ZFHX3: variants seen among roughly 807,000 people sequenced by gnomAD.
The protein encoded by ZFHX3 is zinc finger homeobox protein 3.
Under a neutral mutation model 279.1 loss-of-function variants are expected in ZFHX3, and 42 were observed. The observed-to-expected ratio is 0.15, with a 90% CI of 0.12 to 0.19. The LOEUF is 0.19. ZFHX3 is among the 10% of genes least tolerant of loss of function. The pLI, the probability that ZFHX3 is intolerant of heterozygous loss-of-function variation, is 1.00. For missense variants in ZFHX3, 4,981 were observed against 4,754.0 expected (o/e 1.05, Z -1.40); for synonymous variants, 2,293 against 1,957.8 (o/e 1.17, Z -4.52).
intron 5 of ZFHX3, among the ~76,000 whole-genome samples, chr16:73,159,264 G>A (rs1475288007): frequency 6.6e-6 from 1 of 152,190 alleles, no homozygotes; most frequent in African/African-American, 2.4e-5. Flanking sequence ...TTAGAAGAAC[G>A]TGATATATTA....
intron 3 of ZFHX3, among the ~76,000 whole-genome samples, chr16:73,363,901 G>A (rs1404852093): frequency 1.3e-5 from 2 of 152,058 alleles, no homozygotes; most frequent in Non-Finnish European, 2.9e-5. Context: ...TTCTGGGCAC[G>A]GCAGCTCATG....
At chr16:73,464,135 T>G (rs1433590280) in intron 2 of ZFHX3, among the ~76,000 whole-genome samples, 1 of 152,032 alleles carries the variant, frequency 6.6e-6, no homozygotes, top group Non-Finnish European at 1.5e-5. Flanking sequence ...CTGGGAATTA[T>G]TACTAATTTG....
At chr16:72,827,836 T>A (rs1482710028) in intron 5 of ZFHX3, among the ~76,000 whole-genome samples, 1 of 152,228 alleles carries the variant, frequency 6.6e-6, no homozygotes, top group Non-Finnish European at 1.5e-5. Context: ...AGGGGAATGC[T>A]AAGCACAGTG....
At chr16:73,231,805 G>A (rs535741864) in intron 5 of ZFHX3, among the ~76,000 whole-genome samples, 1 of 152,164 alleles carries the variant, frequency 6.6e-6, no homozygotes, top group East Asian at 1.9e-4. Flanking sequence ...CCACTTCTTT[G>A]CATATTTCTT....
intron 1 of ZFHX3, among the ~76,000 whole-genome samples, chr16:73,004,903 C>G (rs566571295): frequency 4.6e-5 from 7 of 152,188 alleles, no homozygotes; most frequent in Non-Finnish European, 1.5e-5. Flanking sequence ...CTCCAACTCA[C>G]CTGGAATGGA....
At chr16:73,823,566 T>C (rs568606314) in intron 1 of ZFHX3, among the ~76,000 whole-genome samples, 16 of 152,304 alleles carry the variant, frequency 1.1e-4, no homozygotes, top group Middle Eastern at 3.4e-3. Flanking sequence ...CCAGGCCAAA[T>C]TGTGCCACTG....
At chr16:73,217,221 G>C (rs2012244491) in intron 5 of ZFHX3, among the ~76,000 whole-genome samples, 1 of 152,192 alleles carries the variant, frequency 6.6e-6, no homozygotes, top group African/African-American at 2.4e-5. Context: ...ATTTCCAGGG[G>C]ATTTGCTAAA....
chr16:73,235,951 G>A (rs992992716), intron 5 of ZFHX3, among the ~76,000 whole-genome samples: 4 of 152,214 alleles, frequency 2.6e-5, no homozygotes, highest in African/African-American at 4.8e-5. Context: ...GATTATAGGC[G>A]TGAGCCATTG....
At chr16:73,116,429 A>G (rs1966434317) in intron 7 of ZFHX3, among the ~76,000 whole-genome samples, 2 of 152,176 alleles carry the variant, frequency 1.3e-5, no homozygotes, top group African/African-American at 4.8e-5. Flanking sequence ...ATGTGTAACA[A>G]ACACTCCCTA....
At chr16:73,595,306 A>C (rs1433175114) in intron 2 of ZFHX3, among the ~76,000 whole-genome samples, 2 of 152,168 alleles carry the variant, frequency 1.3e-5, no homozygotes, top group Non-Finnish European at 2.9e-5. Context: ...TGATGGCCTC[A>C]AATGTCCTCT....
chr16:73,768,999 A>T (rs938470772), intron 1 of ZFHX3, among the ~76,000 whole-genome samples: 6 of 152,128 alleles, frequency 3.9e-5, no homozygotes, highest in African/African-American at 7.2e-5. Flanking sequence ...TTTTTGGTAC[A>T]AATATGCCCC....
intron 4 of ZFHX3, among the ~76,000 whole-genome samples, chr16:73,290,300 G>T (rs1240526234): frequency 6.6e-6 from 1 of 152,154 alleles, no homozygotes; most frequent in Non-Finnish European, 1.5e-5. Context: ...GAGAACCTGA[G>T]AGAGAGACTG....
At chr16:73,616,335 C>T (rs1275651849) in intron 2 of ZFHX3, among the ~76,000 whole-genome samples, 1 of 147,362 alleles carries the variant, frequency 6.8e-6, no homozygotes, top group Non-Finnish European at 1.5e-5. Flanking sequence ...GACAAGGAAA[C>T]ACTATGATTG....
At chr16:73,726,161 T>C (rs376050477) in intron 1 of ZFHX3, among the ~76,000 whole-genome samples, 3 of 152,238 alleles carry the variant, frequency 2.0e-5, no homozygotes. Flanking sequence ...GGGTCAAAAC[T>C]CTAGAGAAAG....
At chr16:72,954,907 A>T (rs542876416) in intron 2 of ZFHX3, among the ~76,000 whole-genome samples, 18 of 152,238 alleles carry the variant, frequency 1.2e-4, no homozygotes, top group Non-Finnish European at 2.4e-4. Context: ...AGTGTATTTC[A>T]CAAAAACATT....
At chr16:73,674,273 A>G (rs2052932047) in intron 2 of ZFHX3, among the ~76,000 whole-genome samples, 1 of 152,232 alleles carries the variant, frequency 6.6e-6, no homozygotes, top group African/African-American at 2.4e-5. Flanking sequence ...TAACAGAATG[A>G]AAAAAGAAAG....
intron 4 of ZFHX3, among the ~76,000 whole-genome samples, chr16:73,290,639 G>A (rs1212789640): frequency 6.6e-6 from 1 of 152,172 alleles, no homozygotes; most frequent in Admixed American, 6.5e-5. Flanking sequence ...TGGTGAGATG[G>A]GTTTCTTCTA....
chr16:73,555,582 G>A (rs1047065257), intron 2 of ZFHX3, among the ~76,000 whole-genome samples: 2 of 151,710 alleles, frequency 1.3e-5, no homozygotes, highest in Non-Finnish European at 2.9e-5. Context: ...TGTAATCCCA[G>A]CACTTTGGTA....
At chr16:73,616,982 T>C (rs2052310685) in intron 2 of ZFHX3, among the ~76,000 whole-genome samples, 1 of 152,236 alleles carries the variant, frequency 6.6e-6, no homozygotes, top group Admixed American at 6.5e-5. Flanking sequence ...CTGTGTGCAC[T>C]AAGCATGATA....
Sources: allele counts gnomAD v4.1 joint callset (sites outside exome capture counted in the v4.1 genomes callset), GRCh38; gene constraint gnomAD v4.1.1; transcripts MANE v1.5; gene names NCBI Gene and HGNC (gene_info 2026-07-23, HGNC 2026-07-21).